The following PPL variants were observed in gnomAD, a reference collection of about 807,000 sequenced individuals.
PPL encodes the protein periplakin.
PPL carries 198 observed loss-of-function variants against 194.4 expected under a neutral mutation model. The ratio of observed to expected loss-of-function variants is 1.02; its 90% CI spans 0.91 to 1.15. The LOEUF (loss-of-function observed/expected upper bound fraction) is 1.15. Among genes scored for constraint, PPL ranks in the 50% most tolerant of loss-of-function variants. The pLI, the probability that PPL is intolerant of heterozygous loss-of-function variation, is 0.00. For synonymous variants in PPL, 1,220 were observed against 972.4 expected (o/e 1.25, Z -4.74); for missense variants, 2,885 against 2,294.8 (o/e 1.26, Z -5.25).
intron 18 of PPL, among the ~76,000 whole-genome samples, chr16:4,889,754 G>C (rs2088285065): frequency 1.3e-5 from 2 of 152,226 alleles, no homozygotes; most frequent in Non-Finnish European, 2.9e-5. Flanking sequence ...TCTGAGGTGG[G>C]GATGTGGCTG....
At chr16:4,892,514 AC>A (rs764819134) in intron 14 of PPL, among the ~76,000 whole-genome samples, 269 of 152,236 alleles carry the variant, frequency 1.8e-3, no homozygotes, top group Admixed American at 5.4e-3. Context: ...CTTTGCGGCA[AC>A]CCCGGGAGGT....
At chr16:4,911,840 C>T (rs2088826024) in intron 1 of PPL, among the ~76,000 whole-genome samples, 1 of 152,014 alleles carries the variant, frequency 6.6e-6, no homozygotes, top group Non-Finnish European at 1.5e-5. Context: ...GCCCCGACTA[C>T]ATATTTTTTT....
Position 4,895,353 on chromosome 16 carries a change from G to C in PPL, c.1150C>G (p.Arg384Gly), listed in dbSNP as rs1045541349. ...YEDVVQGLQK[R>G]GQQVVPLKYR... Reference sequence around the variant, plus strand: ...TTGAGGGGCACCACCTGCTGGCCTCGCTTCTGCAGCCCCTGCACCACGTCC... The same window carrying C: ...TTGAGGGGCACCACCTGCTGGCCTCCCTTCTGCAGCCCCTGCACCACGTCC... Residue 384 changes from arginine to glycine, a missense_variant, in exon 11 of 22, where the codon CGA becomes GGA. Coordinates refer to ENST00000345988, the MANE Select transcript of PPL (RefSeq NM_002705.5). 6.2e-7 allele frequency: 1 copy of C among 1,613,362 alleles called. No homozygotes were observed. The highest frequency in any genetic ancestry group is 1.7e-5 in the Admixed American group (1 of 60,012).
Position 4,894,547 on chromosome 16 carries a change from G to T in PPL, c.1314C>A (p.Ser438Arg). Residue 438 changes from serine (S) to arginine (R), a missense_variant, in exon 12 of 22, where the codon AGC becomes AGA. Coordinates refer to ENST00000345988, the MANE Select transcript of PPL (RefSeq NM_002705.5). Reference sequence around the variant, plus strand: ...CCGGAGCAATCAGCTTGTTCCCAGCGCTGTCCATGAGCTCCCAGCTCTCCC... The same window carrying T: ...CCGGAGCAATCAGCTTGTTCCCAGCTCTGTCCATGAGCTCCCAGCTCTCCC... ...NNGESWELMD[S>R]AGNKLIAPAV... 1.9e-6 allele frequency: 3 copies of T among 1,613,836 alleles called. No individual in the cohort carries two copies. The South Asian group carries it at 3.3e-5, about 18-fold the overall frequency.
chr16:4,929,455 C>G (rs1179777672), intron 1 of PPL, among the ~76,000 whole-genome samples: 2 of 152,158 alleles, frequency 1.3e-5, no homozygotes, highest in Non-Finnish European at 2.9e-5. Context: ...GCCTTCTCTA[C>G]TCCACCCTTC....
Position 4,899,128 on chromosome 16 carries a change from G to T in PPL, c.769-8C>A, listed in dbSNP as rs182639464. 4 of 1,613,366 alleles carry T rather than the reference G, an allele frequency of 2.5e-6. No homozygotes were observed. Among genetic ancestry groups the T allele is most frequent in the East Asian group, 2.2e-5 (1 of 44,874 alleles). ...GTTCCGGTTGATGAAATTCTGCAGT[G>T]GGGGGCAGTGGAGGGGCCTCAGTGC... On this transcript the variant is annotated splice_polypyrimidine_tract_variant and splice_region_variant and intron_variant, in intron 7 of 21. Transcript: ENST00000345988.
At position 4,895,459 on chromosome 16, in the gene PPL, G is replaced by C. The variant is rs781019511; in HGVS notation, c.1096-52C>G. The C allele has an allele frequency of 2.0e-4, 319 of 1,606,622 alleles. 1 individual carries two copies. Among genetic ancestry groups the C allele is most frequent in the Non-Finnish European group, 2.7e-4 (312 of 1,176,970 alleles). On this transcript the variant is annotated intron_variant, in intron 10 of 21. Coordinates refer to ENST00000345988, the MANE Select transcript of PPL (RefSeq NM_002705.5). ...GGTGAGACCAACAGCCTTCCCCCTGGTGGGAGGACGCAGAGCAGGGGCTGG... is the reference window on the plus strand; with the variant it reads ...GGTGAGACCAACAGCCTTCCCCCTGCTGGGAGGACGCAGAGCAGGGGCTGG...
chr16:4,909,695 G>A (rs1037949026), intron 2 of PPL, among the ~76,000 whole-genome samples: 2 of 152,086 alleles, frequency 1.3e-5, no homozygotes, highest in African/African-American at 2.4e-5. Flanking sequence ...CCAAAGTACT[G>A]GGATTACGGC....
At chr16:4,900,804 GGC>G (rs747154854) in intron 6 of PPL, 24 bp downstream of exon 6, 1 of 1,613,982 alleles carries the variant, frequency 6.2e-7, no homozygotes, top group South Asian at 1.1e-5. Flanking sequence ...CTCCCCATGA[GGC>G]CTTTCCCCCA....
At position 4,894,541 on chromosome 16, in the gene PPL, C is replaced by T. The variant is rs200707643; in HGVS notation, c.1320G>A (p.Gly440=). 6.2e-7 allele frequency: 1 copy of T among 1,613,796 alleles called. No homozygotes were observed. Among genetic ancestry groups the T allele is most frequent in the Non-Finnish European group, 8.5e-7 (1 of 1,179,820 alleles). ...GESWELMDSA[G]NKLIAPAVCF... Reference sequence around the variant, plus strand: ...ACACGGCCGGAGCAATCAGCTTGTTCCCAGCGCTGTCCATGAGCTCCCAGC... The same window carrying T: ...ACACGGCCGGAGCAATCAGCTTGTTTCCAGCGCTGTCCATGAGCTCCCAGC... Residue 440 remains glycine, a synonymous_variant, in exon 12 of 22, where the codon GGG becomes GGA. Coordinates refer to ENST00000345988, the MANE Select transcript of PPL (RefSeq NM_002705.5).
intron 1 of PPL, among the ~76,000 whole-genome samples, chr16:4,915,799 A>G (rs2088905165): frequency 6.6e-6 from 1 of 152,154 alleles, no homozygotes; most frequent in Non-Finnish European, 1.5e-5. Context: ...ATGGTAGGTA[A>G]TTGTATTATT....
At position 4,883,907 on chromosome 16, in the gene PPL, T is replaced by C; in HGVS notation, c.4748A>G (p.Gln1583Arg). The C allele has an allele frequency of 6.2e-7, 1 of 1,614,020 alleles. No homozygotes were observed. Among genetic ancestry groups the C allele is most frequent in the South Asian group, 1.1e-5 (1 of 91,086 alleles). Residue 1583 changes from glutamine to arginine, a missense_variant, in exon 22 of 22, where the codon CAA (glutamine) becomes CGA (arginine). Physicochemically the swap from Gln to Arg is conservative, Grantham distance 43. Coordinates refer to ENST00000345988, the MANE Select transcript of PPL (RefSeq NM_002705.5). The surrounding 1 kb of genome is among the most constrained non-coding windows in gnomAD (Gnocchi z 4.8). The stretch of plus-strand genomic sequence containing the variant: ...CGTCGCTGCCATGTTGATTTCCGAT[T>C]GGAGCCTTCGGGTCTCCAGCTGCAG... ...QNLQLETRRL[Q>R]SEINMAATET...
Position 4,891,890 on chromosome 16 carries a change from G to A in PPL, c.1889C>T (p.Thr630Ile). Residue 630 changes from threonine (T) to isoleucine (I), a missense_variant, in exon 16 of 22, where the codon ACA (threonine) becomes ATA (isoleucine). Coordinates refer to ENST00000345988, the MANE Select transcript of PPL (RefSeq NM_002705.5). Reference protein sequence around the residue: ...SLQQSWELLATHENHLNQDDT... With the variant: ...SLQQSWELLAIHENHLNQDDT... Reference sequence around the variant, plus strand: ...ATCCTGATTCAGATGGTTCTCGTGTGTGGCCAGCAACTCCCAGCTCTGCTG... The same window carrying A: ...ATCCTGATTCAGATGGTTCTCGTGTATGGCCAGCAACTCCCAGCTCTGCTG... 1 of 1,613,590 alleles carries A rather than the reference G, an allele frequency of 6.2e-7. No homozygotes were observed.
intron 8 of PPL, among the ~76,000 whole-genome samples, chr16:4,898,318 C>T (rs1225842932): frequency 2.0e-5 from 3 of 152,114 alleles, no homozygotes; most frequent in African/African-American, 7.2e-5. Context: ...GTGGAGGTTG[C>T]AGTGAGCCAA....
chr16:4,895,404 G>C lies in PPL; in HGVS notation c.1099C>G (p.Gln367Glu), dbSNP rs147975281. ...IELLLRELDD[Q>E]EKVLDKYEDV... is the part of the protein sequence containing the mutation. The stretch of plus-strand genomic sequence containing the variant: ...TCATACTTGTCCAGCACCTTCTCCT[G>C]GTCCTGGAGAGAACGGGGTCAGGGG... The change falls in exon 11 of 22, where the codon CAG (glutamine) becomes GAG (glutamate). Residue 367 changes from glutamine (Q) to glutamate (E), a missense_variant. Transcript: ENST00000345988. 5.5e-4 allele frequency: 894 copies of C among 1,612,776 alleles called. 4 individuals are homozygous for C. In the African/African-American group the frequency reaches 6.5e-3, roughly 12 times the overall value.
chr16:4,933,768 G>A (rs369012965), intron 1 of PPL, among the ~76,000 whole-genome samples: 3 of 152,166 alleles, frequency 2.0e-5, no homozygotes, highest in South Asian at 2.1e-4. Context: ...GGTTGTCCAC[G>A]TCTCCTCCAC....
At chr16:4,925,859 G>A (rs973970840) in intron 1 of PPL, among the ~76,000 whole-genome samples, 1 of 152,214 alleles carries the variant, frequency 6.6e-6, no homozygotes, top group Non-Finnish European at 1.5e-5. Flanking sequence ...AGACATCGGA[G>A]AGACAGGATG....
intron 9 of PPL, among the ~76,000 whole-genome samples, chr16:4,896,635 G>T (rs1387597317): frequency 6.8e-6 from 1 of 147,450 alleles, no homozygotes; most frequent in Non-Finnish European, 1.5e-5. Context: ...ATGAGTACGG[G>T]GTTGTTTTTT....
At position 4,911,093 on chromosome 16, in the gene PPL, T is replaced by A. The variant is rs1596569372; in HGVS notation, c.63-144A>T. Reference sequence around the variant, plus strand: ...AGAGCCTTTGAGGTAGTTGGGCTGTTCCCATAGGGCAACATCACTAAAGCC... The same window carrying A: ...AGAGCCTTTGAGGTAGTTGGGCTGTACCCATAGGGCAACATCACTAAAGCC... On this transcript the variant is annotated intron_variant, in intron 1 of 21. Coordinates refer to ENST00000345988, the MANE Select transcript of PPL (RefSeq NM_002705.5). 4.6e-5 allele frequency: 29 copies of A among 625,368 alleles called. No homozygotes were observed. The East Asian group carries it at 8.3e-4, about 18-fold the overall frequency. The allele number at this position is 625,368 out of a possible 1,614,324, so 38.7% of individuals were successfully genotyped here. A position where few individuals can be genotyped will look rare whatever the true frequency, so the allele number is the denominator to read the frequency against.
Sources: allele counts gnomAD v4.1 joint callset (sites outside exome capture counted in the v4.1 genomes callset), GRCh38; gene constraint gnomAD v4.1.1; non-coding constraint Gnocchi (gnomAD v3.1); transcripts MANE v1.5; gene names NCBI Gene and HGNC (gene_info 2026-07-23, HGNC 2026-07-21).